The following VRK3 variants were observed in gnomAD, a reference collection of about 807,000 sequenced individuals.
The protein encoded by VRK3 is serine/threonine-protein kinase VRK3.
VRK3 carries 50 observed loss-of-function variants against 60.4 expected under a neutral mutation model. That is an observed-to-expected ratio of 0.83 (90% CI 0.66 to 1.05). The LOEUF (loss-of-function observed/expected upper bound fraction) is 1.05, where lower values mean the gene tolerates loss of function less well. Ranked by LOEUF, VRK3 falls within the 50% of genes least tolerant of loss-of-function variation. The pLI is 0.00. For synonymous variants in VRK3, 246 were observed against 227.8 expected (o/e 1.08, Z -0.72); for missense variants, 549 against 585.3 (o/e 0.94, Z 0.64).
intron 2 of VRK3, among the ~76,000 whole-genome samples, chr19:50,017,708 G>C (rs2077101031): frequency 6.6e-6 from 1 of 151,732 alleles, no homozygotes; most frequent in African/African-American, 2.4e-5. Context: ...GTCTCACTCT[G>C]TCACCAGGGA....
At chr19:50,014,067 G>C (rs776366449) in intron 3 of VRK3, among the ~76,000 whole-genome samples, 5 of 152,174 alleles carry the variant, frequency 3.3e-5, no homozygotes, top group Non-Finnish European at 7.4e-5. Context: ...AGGAGTTCAA[G>C]ACCAGCCTGG....
chr19:50,007,860 C>T (rs1431761045), intron 4 of VRK3, 34 bp from the exon 5 acceptor site: 5 of 1,608,962 alleles, frequency 3.1e-6, no homozygotes, highest in Non-Finnish European at 4.2e-6. Flanking sequence ...GTAAAAGCAC[C>T]ATCCAGGAGA....
intron 13 of VRK3, among the ~76,000 whole-genome samples, chr19:49,979,911 A>G (rs1292841799): frequency 4.0e-5 from 6 of 151,778 alleles, no homozygotes; most frequent in Non-Finnish European, 8.8e-5. Context: ...TTAGCCACAC[A>G]TGGTGGCGGG....
chr19:50,023,823 G>A (rs932880694), intron 1 of VRK3, among the ~76,000 whole-genome samples: 13 of 152,164 alleles, frequency 8.5e-5, no homozygotes, highest in African/African-American at 2.9e-4. Context: ...GCTCAGGGCC[G>A]GAATTATCTA....
rs199977755 is a variant in VRK3, at chr19:49,981,017, A to G, written c.1218-4T>C. 3.6e-5 allele frequency: 58 copies of G among 1,612,010 alleles called. No homozygotes were observed. In the African/African-American group the frequency reaches 5.6e-4, roughly 16 times the overall value. ...GGGCCCCGGCTTATCAACAAACCTG[A>G]AGGGACAGAAACACATGTGAAAGGT... On this transcript the variant is annotated splice_region_variant and splice_polypyrimidine_tract_variant and intron_variant, in intron 12 of 14. Transcript: ENST00000316763.
At chr19:50,000,466 G>T in intron 6 of VRK3, 1 of 389,698 alleles carries the variant, frequency 2.6e-6, no homozygotes, top group South Asian at 2.6e-5. Context: ...CCGGTGGTAG[G>T]GGGCAGATGG....
rs766666449 is a variant in VRK3, at chr19:49,995,271, G to C, written c.684C>G (p.Asn228Lys). The C allele has an allele frequency of 4.3e-6, 7 of 1,614,162 alleles. No homozygotes were observed. Among genetic ancestry groups the C allele is most frequent in the Non-Finnish European group, 5.9e-6 (7 of 1,180,004 alleles). ...GGGTCGAGTACAGCTTCTTCCACTT[G>C]TTGACTGCGGAAAGCAGGGGCTTGA... is the stretch of plus-strand genomic sequence containing the variant. ...FQRAAKPLQV[N>K]KWKKLYSTPL... The change falls in exon 8 of 15, where the codon AAC becomes AAG. Residue 228 changes from asparagine (N) to lysine (K), a missense_variant. Physicochemically the swap from Asn to Lys is moderately conservative, Grantham distance 94. Coordinates refer to ENST00000316763, the MANE Select transcript of VRK3 (RefSeq NM_016440.4).
chr19:50,023,639 G>T (rs245110), intron 1 of VRK3, among the ~76,000 whole-genome samples: 9,847 of 152,254 alleles, frequency 0.065, 389 homozygotes, highest in South Asian at 0.092. Context: ...TGTGCCCAGA[G>T]CCTCAAACAG....
At chr19:49,982,220 G>T (rs1278338049) in intron 12 of VRK3, 2 of 702,700 alleles carry the variant, frequency 2.8e-6, no homozygotes, top group South Asian at 1.5e-5. Context: ...ACAGACTCAT[G>T]ACCAACAGCA....
intron 5 of VRK3, among the ~76,000 whole-genome samples, chr19:50,006,481 T>C (rs918379727): frequency 6.6e-6 from 1 of 151,266 alleles, no homozygotes; most frequent in African/African-American, 2.4e-5. Context: ...GTTCACGCCA[T>C]TCTCCTGCCT....
At chr19:50,020,474 T>C (rs1180666156) in intron 2 of VRK3, 111 bp downstream of exon 2, 1 of 152,182 alleles carries the variant, frequency 6.6e-6, no homozygotes, top group African/African-American at 2.4e-5. Flanking sequence ...ATGACAACGT[T>C]CCTTCTGGGA....
chr19:49,988,340 C>T (rs763782387), intron 12 of VRK3, 32 bp downstream of exon 12: 2 of 1,603,212 alleles, frequency 1.2e-6, no homozygotes, highest in East Asian at 2.3e-5. Context: ...CTGCTGACCA[C>T]CTGCAGGGGT....
chr19:50,011,428 A>G (rs559113264), intron 3 of VRK3, among the ~76,000 whole-genome samples: 1 of 152,334 alleles, frequency 6.6e-6, no homozygotes, highest in African/African-American at 2.4e-5. Context: ...CTCAGCCAGC[A>G]TGGTTGGTCC....
At chr19:49,980,926 C>T (rs772460888) in intron 13 of VRK3, 29 bp downstream of exon 13, 72 of 1,598,144 alleles carry the variant, frequency 4.5e-5, no homozygotes, top group Non-Finnish European at 5.5e-5. Flanking sequence ...CCCGAGTCCC[C>T]GCCTGTTCCC....
intron 6 of VRK3, chr19:50,000,458 G>C (rs117723549): frequency 2.7e-6 from 1 of 369,904 alleles, no homozygotes; most frequent in Non-Finnish European, 5.0e-6. Flanking sequence ...CTGCGAGGCC[G>C]GTGGTAGGGG....
Position 49,979,222 on chromosome 19 carries a change from T to G in VRK3, c.1297A>C (p.Lys433Gln). Residue 433 changes from lysine to glutamine, a missense_variant, in exon 14 of 15, where the codon AAG becomes CAG. Physicochemically the swap from Lys to Gln is moderately conservative, Grantham distance 53. Transcript: ENST00000316763. ...RPSETLQKYLKVVMALTYEEK... is the reference protein window; with the variant it reads ...RPSETLQKYLQVVMALTYEEK... ...TCATACGTGAGGGCCATCACCACCT[T>G]CAGGTACTTCTGCAGGGTCTCTGTG... is the stretch of plus-strand genomic sequence containing the variant. 1 of 1,613,876 alleles carries G rather than the reference T, an allele frequency of 6.2e-7. No homozygotes were observed. Among genetic ancestry groups the G allele is most frequent in the South Asian group, 1.1e-5 (1 of 91,058 alleles).
At chr19:50,005,553 C>T (rs1194079977) in intron 5 of VRK3, among the ~76,000 whole-genome samples, 3 of 149,598 alleles carry the variant, frequency 2.0e-5, no homozygotes, top group Admixed American at 2.0e-4. Flanking sequence ...AACCTCTGCC[C>T]ATCAAATAAC....
chr19:50,010,187 T>C (rs2076972382), intron 3 of VRK3, among the ~76,000 whole-genome samples: 2 of 152,156 alleles, frequency 1.3e-5, no homozygotes, highest in Non-Finnish European at 2.9e-5. Context: ...TTTTATTTGG[T>C]TCCTTCTCTT....
At chr19:49,980,495 C>G (rs1449311730) in intron 13 of VRK3, among the ~76,000 whole-genome samples, 1 of 152,056 alleles carries the variant, frequency 6.6e-6, no homozygotes, top group Admixed American at 6.5e-5. Context: ...GTAGGTAGAT[C>G]AGTTGAGGCC....
Sources: allele counts gnomAD v4.1 joint callset (sites outside exome capture counted in the v4.1 genomes callset), GRCh38; gene constraint gnomAD v4.1.1; transcripts MANE v1.5; gene names NCBI Gene and HGNC (gene_info 2026-07-23, HGNC 2026-07-21).